Variants in CNOT6L observed in about 807,000 individuals in gnomAD.
CNOT6L encodes the protein CCR4-NOT transcription complex subunit 6 like, also known as CCR4-NOT transcription complex subunit 6-like.
In CNOT6L, 7 loss-of-function variants were observed where a neutral mutation model predicts 64.0. The ratio of observed to expected loss-of-function variants is 0.11; its 90% confidence interval spans 0.06 to 0.21. CNOT6L has a LOEUF of 0.21. CNOT6L is among the 10% of genes least tolerant of loss of function. The pLI is 1.00. For synonymous variants in CNOT6L, 193 were observed against 243.4 expected, an observed-to-expected ratio of 0.79 and a Z score of 1.93; for missense variants, 245 against 669.0, an observed-to-expected ratio of 0.37 and a Z score of 6.99.
In CNOT6L at chr4:77,719,292, A is replaced by C. The variant is rs986241387; in HGVS notation, c.*1139T>G. The C allele has an allele frequency of 6.6e-6, 1 of 152,612 alleles. No individual in the cohort carries two copies. 9.5% of individuals were successfully genotyped at this position (152,612 alleles called of 1,614,324 possible). On this transcript the variant is annotated 3_prime_UTR_variant, in exon 12 of 12. Transcript: ENST00000504123. ...ACCCTGACAGACAACTGAAACAAAG[A>C]TTAAAAGCATATGATGGCCATTTGG...
At chr4:77,802,963 T>C (rs1731760644) in intron 1 of CNOT6L, among the ~76,000 whole-genome samples, 1 of 152,212 alleles carries the variant, frequency 6.6e-6, no homozygotes. Context: ...AAAGACCTTT[T>C]ATAAGGAATG....
chr4:77,767,415 T>A (rs1442370286), intron 4 of CNOT6L, among the ~76,000 whole-genome samples: 1 of 152,114 alleles, frequency 6.6e-6, no homozygotes, highest in African/African-American at 2.4e-5. Flanking sequence ...GTGAGGAGAC[T>A]TTCAAAACCA....
intron 11 of CNOT6L, among the ~76,000 whole-genome samples, chr4:77,723,638 C>T (rs1264787173): frequency 6.6e-6 from 1 of 152,110 alleles, no homozygotes; most frequent in Non-Finnish European, 1.5e-5. Context: ...TTGTCTCATC[C>T]CATCTATCTA....
In CNOT6L at chr4:77,781,673, C is replaced by A. The variant is rs188685570; in HGVS notation, c.6-5281G>T. Reference sequence around the variant, plus strand: ...CCAAATCAGGGCAAACTGGTAAAAGCTAGAACTAAGCTTCTGTAAATACTG... The same window carrying A: ...CCAAATCAGGGCAAACTGGTAAAAGATAGAACTAAGCTTCTGTAAATACTG... On this transcript the variant is annotated intron_variant, in intron 1 of 11. Transcript: ENST00000504123. Among the ~76,000 whole-genome samples the A allele has an allele frequency of 4.3e-3, 651 of 151,828 alleles. 7 individuals are homozygous for A. Among genetic ancestry groups the A allele is most frequent in the African/African-American group, 0.015 (627 of 41,376 alleles).
At chr4:77,816,874 A>T (rs1733639015) in intron 1 of CNOT6L, among the ~76,000 whole-genome samples, 1 of 152,108 alleles carries the variant, frequency 6.6e-6, no homozygotes, top group Non-Finnish European at 1.5e-5. Context: ...TCTCCATGAC[A>T]TTATTTTTTC....
At chr4:77,755,095 G>A (rs1725374513) in intron 5 of CNOT6L, among the ~76,000 whole-genome samples, 1 of 151,110 alleles carries the variant, frequency 6.6e-6, no homozygotes, top group African/African-American at 2.4e-5. Context: ...AATAGCATGG[G>A]AGCACATATT....
At chr4:77,786,866 G>A (rs766313592) in intron 1 of CNOT6L, among the ~76,000 whole-genome samples, 1 of 152,182 alleles carries the variant, frequency 6.6e-6, no homozygotes, top group African/African-American at 2.4e-5. Flanking sequence ...GAGAGATGAT[G>A]TTCTATATGT....
At chr4:77,803,233 T>C (rs561699157) in intron 1 of CNOT6L, among the ~76,000 whole-genome samples, 3 of 152,044 alleles carry the variant, frequency 2.0e-5, no homozygotes, top group Admixed American at 6.6e-5. Flanking sequence ...AAAAAAAAAT[T>C]ATCTCCACTA....
intron 5 of CNOT6L, among the ~76,000 whole-genome samples, chr4:77,751,991 G>C (rs1364880136): frequency 6.6e-6 from 1 of 152,114 alleles, no homozygotes; most frequent in African/African-American, 2.4e-5. Context: ...GGCCAACATA[G>C]TGAGATCCCA....
At chr4:77,802,044 T>C (rs532460446) in intron 1 of CNOT6L, among the ~76,000 whole-genome samples, 2 of 152,364 alleles carry the variant, frequency 1.3e-5, no homozygotes, top group South Asian at 4.1e-4. Context: ...AGTTTATACA[T>C]AATTTTAATT....
At chr4:77,766,675 A>G (rs528111881) in intron 4 of CNOT6L, among the ~76,000 whole-genome samples, 17 of 152,088 alleles carry the variant, frequency 1.1e-4, no homozygotes, top group African/African-American at 3.9e-4. Context: ...ATTTTAAAAC[A>G]AACAAAAAAC....
At chr4:77,799,674 A>G (rs1731282034) in intron 1 of CNOT6L, among the ~76,000 whole-genome samples, 1 of 143,138 alleles carries the variant, frequency 7.0e-6, no homozygotes. Flanking sequence ...ATTGCACTCC[A>G]GCCTAGGTGA....
intron 4 of CNOT6L, among the ~76,000 whole-genome samples, chr4:77,763,943 ACTTC>A (rs1726524487): frequency 6.6e-6 from 1 of 152,254 alleles, no homozygotes; most frequent in Admixed American, 6.5e-5. Flanking sequence ...GTAATGAAAT[ACTTC>A]CTATCAAAAT....
chr4:77,767,167 A>G (rs185238982), intron 4 of CNOT6L, among the ~76,000 whole-genome samples: 1 of 148,672 alleles, frequency 6.7e-6, no homozygotes, highest in East Asian at 2.0e-4. Flanking sequence ...GATGTACTTG[A>G]TTGGTGTAGA....
intron 5 of CNOT6L, among the ~76,000 whole-genome samples, chr4:77,754,151 A>G (rs547952760): frequency 6.6e-6 from 1 of 152,310 alleles, no homozygotes; most frequent in East Asian, 1.9e-4. Context: ...AATTGTATAC[A>G]TTAAAATAAA....
intron 8 of CNOT6L, among the ~76,000 whole-genome samples, chr4:77,738,282 A>G (rs1009429315): frequency 4.1e-4 from 63 of 152,272 alleles, no homozygotes; most frequent in Non-Finnish European, 2.6e-4. Flanking sequence ...ATAAAGCATG[A>G]TAAGGAGGTC....
At chr4:77,742,381 G>T in intron 7 of CNOT6L, 86 bp from the exon 8 acceptor site, 1 of 1,194,546 alleles carries the variant, frequency 8.4e-7, no homozygotes, top group Non-Finnish European at 1.2e-6. Context: ...TGAGTAAGAT[G>T]TAACTTAGTA....
chr4:77,738,786 A>G (rs940403596), intron 8 of CNOT6L, among the ~76,000 whole-genome samples: 1 of 151,604 alleles, frequency 6.6e-6, no homozygotes, highest in African/African-American at 2.4e-5. Flanking sequence ...TTTACAACTC[A>G]GTTTCTACAT....
chr4:77,744,417 G>GT (rs1462724886), intron 7 of CNOT6L, among the ~76,000 whole-genome samples: 1 of 151,982 alleles, frequency 6.6e-6, no homozygotes, highest in African/African-American at 2.4e-5. Context: ...ATCTTCTGTG[G>GT]TTTTCTCTTT....
Sources: allele counts gnomAD v4.1 joint callset (sites outside exome capture counted in the v4.1 genomes callset), GRCh38; gene constraint gnomAD v4.1.1; transcripts MANE v1.5; gene names NCBI Gene and HGNC (gene_info 2026-07-23, HGNC 2026-07-21).